Variants in ABCC3 observed in about 807,000 individuals in gnomAD.
The protein encoded by ABCC3 is ATP-binding cassette sub-family C member 3.
Under a neutral mutation model 165.3 loss-of-function variants are expected in ABCC3, and 121 were observed. The observed-to-expected ratio is 0.73, with a 90% CI of 0.63 to 0.85. ABCC3 has a LOEUF of 0.85. Among genes scored for constraint, ABCC3 ranks in the 40% least tolerant of loss-of-function variants. The pLI is 0.00. For missense variants in ABCC3, 1,869 were observed against 1,964.1 expected (o/e 0.95, Z 0.92); for synonymous variants, 733 against 810.1 (o/e 0.90, Z 1.62).
intron 19 of ABCC3, among the ~76,000 whole-genome samples, chr17:50,673,978 TTCTCTCTCTCTCTC>T (rs1281173726): frequency 1.1e-4 from 1 of 9,004 alleles, no homozygotes; most frequent in East Asian, 2.1e-3. Context: ...CTTTCTTTCT[TTCTCTCTCTCTCTC>T]TCTCTCTCTC....
Position 50,663,678 on chromosome 17 carries a change from C to T in ABCC3, c.999-3C>T. On this transcript the variant is annotated splice_polypyrimidine_tract_variant and splice_region_variant and intron_variant, in intron 8 of 30. Transcript: ENST00000285238. ...CCACCTCACTCCTCTCTCCTCCCCA[C>T]AGCATCCTGATCAGGTTTATCTCCA... 13 of 1,614,056 alleles carry T rather than the reference C, an allele frequency of 8.1e-6. No homozygotes were observed. Among genetic ancestry groups the T allele is most frequent in the Non-Finnish European group, 1.0e-5 (12 of 1,179,974 alleles).
intron 2 of ABCC3, among the ~76,000 whole-genome samples, 159 bp from the exon 3 acceptor site, chr17:50,656,543 C>A (rs1429636415): frequency 6.6e-6 from 1 of 152,254 alleles, no homozygotes; most frequent in Non-Finnish European, 1.5e-5. Flanking sequence ...ACACTCTCCC[C>A]ACCTCCAGCA....
chr17:50,665,128 C>A, intron 10 of ABCC3, 25 bp from the exon 11 acceptor site: 1 of 1,605,688 alleles, frequency 6.2e-7, no homozygotes, highest in South Asian at 1.1e-5. Context: ...CCCTATGTGT[C>A]ATCTATCCAC....
At chr17:50,650,622 A>T (rs1451949080) in intron 1 of ABCC3, among the ~76,000 whole-genome samples, 4 of 152,202 alleles carry the variant, frequency 2.6e-5, no homozygotes, top group African/African-American at 7.2e-5. Flanking sequence ...CGTTATCAAA[A>T]CAAAACATCC....
intron 30 of ABCC3, chr17:50,688,343 C>A (rs1467236747): frequency 6.6e-6 from 1 of 152,448 alleles, no homozygotes; most frequent in African/African-American, 2.4e-5. Context: ...CATGCTGAGT[C>A]CCATCACTTC....
At chr17:50,670,594 C>T (rs1967627565) in intron 17 of ABCC3, among the ~76,000 whole-genome samples, 1 of 152,032 alleles carries the variant, frequency 6.6e-6, no homozygotes, top group Non-Finnish European at 1.5e-5. Flanking sequence ...TAAATAAGTA[C>T]AATATATAAT....
At chr17:50,667,440 G>T in intron 11 of ABCC3, 114 bp from the exon 12 acceptor site, 1 of 941,514 alleles carries the variant, frequency 1.1e-6, no homozygotes, top group Non-Finnish European at 1.6e-6. Flanking sequence ...AGAAGGAATG[G>T]TGGGCAGCGT....
chr17:50,655,987 C>G lies in ABCC3; in HGVS notation c.201C>G (p.Ser67=). The change falls in exon 2 of 31, where the codon TCC becomes TCG. Residue 67 remains serine, a synonymous_variant. Transcript: ENST00000285238. ...ATTGTCGTGGCTACATCATCCTCTC[C>G]CACCTGTCCAAGCTCAAGATGGTCA... is the stretch of plus-strand genomic sequence containing the variant. ...RHHCRGYIIL[S]HLSKLKMVLG... The G allele has an allele frequency of 6.2e-7, 1 of 1,614,030 alleles. No homozygotes were observed.
At chr17:50,672,870 G>GAAAAA in intron 17 of ABCC3, 101 bp from the exon 18 acceptor site, 1 of 959,264 alleles carries the variant, frequency 1.0e-6, no homozygotes, top group East Asian at 2.9e-5. Context: ...CCCATCTCAG[G>GAAAAA]AAAAAAAAAA....
chr17:50,643,753 G>A (rs1468716578), intron 1 of ABCC3: 1 of 395,008 alleles, frequency 2.5e-6, no homozygotes, highest in Non-Finnish European at 5.2e-6. Context: ...TTGAGCAAGG[G>A]GGTAGGAGCA....
At chr17:50,684,339 A>T (rs914812462) in intron 28 of ABCC3, among the ~76,000 whole-genome samples, 1 of 152,114 alleles carries the variant, frequency 6.6e-6, no homozygotes, top group Non-Finnish European at 1.5e-5. Flanking sequence ...GGGCCAGCAC[A>T]TGGGGAAGGA....
At chr17:50,641,369 A>C (rs1327878067) in intron 1 of ABCC3, among the ~76,000 whole-genome samples, 1 of 152,140 alleles carries the variant, frequency 6.6e-6, no homozygotes. Context: ...GAGAGCCTTG[A>C]GTAGGGATCG....
In ABCC3 at chr17:50,667,887, T is replaced by C. The variant is rs770654016; in HGVS notation, c.1660T>C (p.Tyr554His). ...FLVTLITLWV[Y>H]VYVDPNNVLD... ...GGTGACCCTGATCACCCTCTGGGTG[T>C]ACGTGTACGTGGACCCAAACAATGT... The change falls in exon 13 of 31, where the codon TAC becomes CAC. Residue 554 changes from tyrosine (Y) to histidine (H), a missense_variant. Tyr to His is a moderately conservative substitution (Grantham distance 83, BLOSUM62 2). Transcript: ENST00000285238. 2 of 1,614,066 alleles carry C rather than the reference T, an allele frequency of 1.2e-6. No homozygotes were observed. Among genetic ancestry groups the C allele is most frequent in the East Asian group, 4.5e-5 (2 of 44,882 alleles).
chr17:50,660,869 TC>T, intron 7 of ABCC3, 53 bp from the exon 8 acceptor site: 1 of 1,512,080 alleles, frequency 6.6e-7, no homozygotes, highest in Non-Finnish European at 8.9e-7. Flanking sequence ...GCCCTTGGCT[TC>T]CTGGAGCCCC....
chr17:50,659,271 G>C lies in ABCC3; in HGVS notation c.709G>C (p.Glu237Gln). 6.2e-7 allele frequency: 1 copy of C among 1,613,974 alleles called. No homozygotes were observed. The highest frequency in any genetic ancestry group is 1.3e-5 in the African/African-American group (1 of 75,056). Residue 237 changes from glutamate to glutamine, a missense_variant, in exon 7 of 31, where the codon GAG becomes CAG. By Grantham distance (29) the Glu-to-Gln change is conservative. Coordinates refer to ENST00000285238, the MANE Select transcript of ABCC3 (RefSeq NM_003786.4). ...AIYGYRHPLEEKDLWSLKEED... is the reference protein window; with the variant it reads ...AIYGYRHPLEQKDLWSLKEED... ...CTATGGCTACCGGCATCCCCTGGAG[G>C]AGAAGGACCTCTGGTCCCTAAAGGA...
intron 1 of ABCC3, among the ~76,000 whole-genome samples, chr17:50,638,722 CCATCCT>C (rs2054201472): frequency 6.6e-6 from 1 of 152,174 alleles, no homozygotes; most frequent in Non-Finnish European, 1.5e-5. Context: ...AGCTGTTTAC[CCATCCT>C]AGGGAGGGGC....
intron 17 of ABCC3, among the ~76,000 whole-genome samples, chr17:50,670,895 A>C (rs906264681): frequency 1.5e-4 from 23 of 152,218 alleles, no homozygotes; most frequent in Admixed American, 6.5e-5. Flanking sequence ...ACTCTAAAAA[A>C]CATGGAACAC....
chr17:50,675,573 C>A, intron 20 of ABCC3, 58 bp from the exon 21 acceptor site: 1 of 1,560,222 alleles, frequency 6.4e-7, no homozygotes, highest in Non-Finnish European at 8.7e-7. Context: ...CACTCCCAGC[C>A]TCTGTCCTGG....
chr17:50,678,552 G>C (rs978905311), intron 25 of ABCC3, among the ~76,000 whole-genome samples: 26 of 152,154 alleles, frequency 1.7e-4, no homozygotes, highest in African/African-American at 6.3e-4. Flanking sequence ...AGTTCAACTG[G>C]AGAGACCCCC....
Sources: gnomAD v4.1 joint callset for allele counts (sites outside exome capture counted in the v4.1 genomes callset) on GRCh38, gnomAD v4.1.1 for gene constraint, MANE v1.5 for transcripts, NCBI Gene and HGNC (gene_info 2026-07-23, HGNC 2026-07-21) for gene names.